The following DMRT1 variants were observed in gnomAD, a reference collection of about 807,000 sequenced individuals.
DMRT1 encodes the protein doublesex and mab-3 related transcription factor 1, also known as doublesex- and mab-3-related transcription factor 1.
In DMRT1, 7 loss-of-function variants were observed where a neutral mutation model predicts 32.3. That is an observed-to-expected ratio of 0.22 (90% CI 0.12 to 0.41). DMRT1 has a LOEUF of 0.41. Ranked by LOEUF, DMRT1 falls within the 10% of genes least tolerant of loss-of-function variation. The probability of loss-of-function intolerance (pLI) is 1.00; values close to 1 mark genes in which losing one functional copy is unlikely to be tolerated. For missense variants in DMRT1, 625 were observed against 500.5 expected (o/e 1.25, Z -2.37); for synonymous variants, 278 against 206.1 (o/e 1.35, Z -2.99).
At chr9:861,888 C>G (rs1815708706) in intron 2 of DMRT1, among the ~76,000 whole-genome samples, 3 of 150,190 alleles carry the variant, frequency 2.0e-5, no homozygotes, top group South Asian at 2.1e-4. Flanking sequence ...CAGAGGCACT[C>G]TTCACATCCC....
chr9:887,929 A>G (rs562232895), intron 2 of DMRT1, among the ~76,000 whole-genome samples: 1 of 152,366 alleles, frequency 6.6e-6, no homozygotes, highest in South Asian at 2.1e-4. Context: ...CATAGTTGTT[A>G]TATGATAACT....
intron 2 of DMRT1, among the ~76,000 whole-genome samples, chr9:852,520 G>A (rs143209038): frequency 3.3e-5 from 5 of 151,438 alleles, no homozygotes; most frequent in African/African-American, 1.2e-4. Context: ...AGCCTCCCGT[G>A]CTCCTATAGA....
rs766842219 is a variant in DMRT1 at position 916,890 on chromosome 9, C to G, written c.950C>G (p.Pro317Arg). 6.2e-7 allele frequency: 1 copy of G among 1,614,144 alleles called. No individual in the cohort carries two copies. The highest frequency in any genetic ancestry group is 8.5e-7 in the Non-Finnish European group (1 of 1,180,016). The stretch of plus-strand genomic sequence containing the variant: ...ACTTTTGAGGATGCTCCCTCTTACC[C>G]GGAAGCCAGGGCGAGCGGTAGGTGT... ...FFTFEDAPSY[P>R]EARASVFSPP... Residue 317 changes from proline (P) to arginine (R), a missense_variant, in exon 4 of 5, where the codon CCG becomes CGG. Transcript: ENST00000382276.
chr9:934,631 A>T (rs569212529), intron 4 of DMRT1, among the ~76,000 whole-genome samples: 13 of 152,174 alleles, frequency 8.5e-5, no homozygotes, highest in African/African-American at 3.1e-4. Context: ...CTTAGGTTTA[A>T]TCCAGGTCTT....
intron 4 of DMRT1, among the ~76,000 whole-genome samples, chr9:960,732 A>G (rs1218767866): frequency 6.6e-6 from 1 of 152,220 alleles, no homozygotes; most frequent in Non-Finnish European, 1.5e-5. Flanking sequence ...GCCAGCCAGA[A>G]GCAGGCCTCC....
chr9:846,177 G>C (rs779661245), intron 1 of DMRT1, among the ~76,000 whole-genome samples: 4 of 151,352 alleles, frequency 2.6e-5, no homozygotes, highest in Admixed American at 6.6e-5. Context: ...GACTACAGGT[G>C]GGCTAACATG....
intron 4 of DMRT1, among the ~76,000 whole-genome samples, chr9:962,832 C>G (rs766682079): frequency 4.6e-5 from 7 of 152,092 alleles, no homozygotes; most frequent in Admixed American, 1.3e-4. Context: ...CACTTAGTTT[C>G]ACAAGCAGCA....
At chr9:894,523 C>A (rs985094189) in intron 3 of DMRT1, 1 of 380,212 alleles carries the variant, frequency 2.6e-6, no homozygotes, top group East Asian at 6.3e-5. Flanking sequence ...GCATAAATAA[C>A]CAGTTGGGCA....
At chr9:892,776 C>T (rs1817202855) in intron 2 of DMRT1, among the ~76,000 whole-genome samples, 1 of 152,194 alleles carries the variant, frequency 6.6e-6, no homozygotes, top group South Asian at 2.1e-4. Context: ...AGGCCCGCCT[C>T]ACCTTACCCT....
intron 4 of DMRT1, among the ~76,000 whole-genome samples, chr9:938,118 G>C (rs901338841): frequency 6.6e-6 from 1 of 151,986 alleles, no homozygotes; most frequent in Non-Finnish European, 1.5e-5. Flanking sequence ...CCCAGTGAGT[G>C]GTCTTAGCAC....
rs140608243 is a variant in DMRT1, at chr9:861,050, C to CTT, written c.538+13928_538+13929dup. On this transcript the variant is annotated intron_variant, in intron 2 of 4. Coordinates refer to ENST00000382276, the MANE Select transcript of DMRT1 (RefSeq NM_021951.3). ...TGAATGGTGTGATCTAATTTACTTTCTTTTTTTTTTTTTTTTTTTTTTAGT... is the reference window on the plus strand; with the variant it reads ...TGAATGGTGTGATCTAATTTACTTTCTTTTTTTTTTTTTTTTTTTTTTTTAGT... Among the ~76,000 whole-genome samples the CTT allele has an allele frequency of 4.3e-3, 517 of 121,318 alleles. 4 individuals carry two copies. The highest frequency in any genetic ancestry group is 6.8e-3 in the Non-Finnish European group (384 of 56,732). The allele number at this position is 121,318 out of a possible 152,430, so 79.6% of individuals were successfully genotyped here. A position where few individuals can be genotyped will look rare whatever the true frequency, so the allele number is the denominator to read the frequency against.
At chr9:888,325 A>G (rs1283272880) in intron 2 of DMRT1, among the ~76,000 whole-genome samples, 2 of 148,408 alleles carry the variant, frequency 1.3e-5, no homozygotes, top group East Asian at 2.0e-4. Flanking sequence ...TTTCCTTTTG[A>G]GACAGAGTCT....
At chr9:924,097 A>G (rs1367242293) in intron 4 of DMRT1, among the ~76,000 whole-genome samples, 5 of 105,592 alleles carry the variant, frequency 4.7e-5, no homozygotes, top group African/African-American at 7.0e-5. Context: ...TTCCACCTGG[A>G]GTCTCTCTCT....
intron 2 of DMRT1, among the ~76,000 whole-genome samples, chr9:857,166 G>A (rs1815433074): frequency 6.6e-6 from 1 of 152,070 alleles, no homozygotes; most frequent in Non-Finnish European, 1.5e-5. Flanking sequence ...AATTAGCCAG[G>A]CGTGGTGGCA....
At chr9:869,413 G>T (rs975767827) in intron 2 of DMRT1, among the ~76,000 whole-genome samples, 4 of 152,196 alleles carry the variant, frequency 2.6e-5, no homozygotes, top group African/African-American at 7.2e-5. Flanking sequence ...TTCTCCGTAG[G>T]AATTACCTTC....
At chr9:902,848 A>T (rs961971384) in intron 3 of DMRT1, among the ~76,000 whole-genome samples, 1 of 152,066 alleles carries the variant, frequency 6.6e-6, no homozygotes, top group Non-Finnish European at 1.5e-5. Flanking sequence ...CATTTTGAGG[A>T]ATTCATTCAC....
intron 1 of DMRT1, among the ~76,000 whole-genome samples, chr9:846,543 G>A (rs934457354): frequency 3.3e-5 from 5 of 151,970 alleles, no homozygotes; most frequent in East Asian, 1.9e-4. Context: ...ATCCTCCCTA[G>A]CCAATCTTAT....
At chr9:935,113 T>A (rs1367416539) in intron 4 of DMRT1, among the ~76,000 whole-genome samples, 1 of 152,238 alleles carries the variant, frequency 6.6e-6, no homozygotes, top group Non-Finnish European at 1.5e-5. Flanking sequence ...TCAATTTTTC[T>A]AGTTCTAAGT....
At chr9:961,783 T>G (rs983009296) in intron 4 of DMRT1, among the ~76,000 whole-genome samples, 3 of 152,200 alleles carry the variant, frequency 2.0e-5, no homozygotes, top group Non-Finnish European at 4.4e-5. Flanking sequence ...AAAGCAAGAA[T>G]CTTCTCACAT....
Sources: allele counts gnomAD v4.1 joint callset (sites outside exome capture counted in the v4.1 genomes callset), GRCh38; gene constraint gnomAD v4.1.1; transcripts MANE v1.5; gene names NCBI Gene and HGNC (gene_info 2026-07-23, HGNC 2026-07-21).